The following PGM5 variants were observed in gnomAD, a reference collection of about 807,000 sequenced individuals.
PGM5 encodes phosphoglucomutase-like protein 5.
Under a neutral mutation model 59.2 loss-of-function variants are expected in PGM5, and 23 were observed. The ratio of observed to expected loss-of-function variants is 0.39; its 90% confidence interval spans 0.28 to 0.55. The LOEUF (loss-of-function observed/expected upper bound fraction) is 0.55, where lower values mean the gene tolerates loss of function less well. Among genes scored for constraint, PGM5 ranks in the 20% least tolerant of loss-of-function variants. The pLI, the probability that PGM5 is intolerant of heterozygous loss-of-function variation, is 0.66. For missense variants in PGM5, 574 were observed against 748.3 expected, an observed-to-expected ratio of 0.77 and a Z score of 2.72; for synonymous variants, 214 against 286.0, an observed-to-expected ratio of 0.75 and a Z score of 2.54.
At chr9:68,394,319 T>G (rs1179404765) in intron 6 of PGM5, 1 of 152,028 alleles carries the variant, frequency 6.6e-6, no homozygotes, top group African/African-American at 2.4e-5. Context: ...TGGGACAAAT[T>G]AGCTAGGTAT....
chr9:68,513,321 A>T (rs150396278), intron 10 of PGM5, among the ~76,000 whole-genome samples: 3 of 152,370 alleles, frequency 2.0e-5, no homozygotes, highest in African/African-American at 4.8e-5. Context: ...GTTTGTATTC[A>T]TGAAATCAAA....
chr9:68,524,671 C>A (rs1824945880), intron 10 of PGM5, among the ~76,000 whole-genome samples: 2 of 152,156 alleles, frequency 1.3e-5, no homozygotes, highest in African/African-American at 4.8e-5. Context: ...CAGTCCTACC[C>A]AACTCCTCAT....
At chr9:68,361,318 T>C (rs1834575339) in intron 1 of PGM5, among the ~76,000 whole-genome samples, 1 of 152,224 alleles carries the variant, frequency 6.6e-6, no homozygotes, top group African/African-American at 2.4e-5. Context: ...TTTAATGAAA[T>C]TGATTGTTGA....
chr9:68,470,948 C>CT (rs1554686187), intron 7 of PGM5, among the ~76,000 whole-genome samples: 1 of 152,184 alleles, frequency 6.6e-6, no homozygotes, highest in African/African-American at 2.4e-5. Context: ...AATTGAAACT[C>CT]CCTTCTGGGT....
At chr9:68,409,081 A>G (rs1445711953) in intron 6 of PGM5, among the ~76,000 whole-genome samples, 4 of 152,118 alleles carry the variant, frequency 2.6e-5, no homozygotes, top group Admixed American at 2.6e-4. Flanking sequence ...TTCCATATGA[A>G]CTTTAAAGTA....
chr9:68,375,555 A>C (rs1474497452), intron 1 of PGM5, among the ~76,000 whole-genome samples: 10 of 152,226 alleles, frequency 6.6e-5, no homozygotes, highest in African/African-American at 2.2e-4. Context: ...GAATCCATTC[A>C]TCATACTTTC....
chr9:68,528,529 G>A lies in PGM5; in HGVS notation c.1615-1038G>A, dbSNP rs760049880. ...TGGGATTACAGGCATGAGCCACCAC[G>A]CGTGGCCAATATTTGTCTTTAAATT... is the stretch of plus-strand genomic sequence containing the variant. On this transcript the variant is annotated intron_variant, in intron 10 of 10. Transcript: ENST00000396396. Among the ~76,000 whole-genome samples, 91 of 152,250 alleles carry A rather than the reference G, an allele frequency of 6.0e-4. 1 individual carries two copies. Among genetic ancestry groups the A allele is most frequent in the South Asian group, 8.3e-4 (4 of 4,812 alleles).
intron 6 of PGM5, among the ~76,000 whole-genome samples, chr9:68,422,270 T>G (rs1554682402): frequency 6.6e-6 from 1 of 152,130 alleles, no homozygotes; most frequent in Non-Finnish European, 1.5e-5. Flanking sequence ...ATGGGGGGTT[T>G]GCCTGGGAAC....
intron 1 of PGM5, among the ~76,000 whole-genome samples, chr9:68,367,210 T>C (rs1475149114): frequency 6.6e-6 from 1 of 152,022 alleles, no homozygotes; most frequent in Non-Finnish European, 1.5e-5. Flanking sequence ...GTGTGGTCTG[T>C]GCATTATTTC....
chr9:68,495,148 T>G (rs905652642), intron 9 of PGM5, among the ~76,000 whole-genome samples: 2 of 152,220 alleles, frequency 1.3e-5, no homozygotes, highest in Non-Finnish European at 2.9e-5. Context: ...GTCCAAAATT[T>G]TAAGGTTAAC....
At position 68,465,114 on chromosome 9, in the gene PGM5, C is replaced by A. The variant is rs202027436; in HGVS notation, c.1065C>A (p.Val355=). 2.5e-6 allele frequency: 4 copies of A among 1,608,796 alleles called. No individual in the cohort carries two copies. In the East Asian group the frequency reaches 8.9e-5, roughly 36 times the overall value. ...ALDRVAKSMK[V]PVYETPAGWR... ...TCAGAGTGGCCAAATCAATGAAGGT[C>A]CCTGTATATGAGACCCCAGCTGGAT... is the stretch of plus-strand genomic sequence containing the variant. Residue 355 remains valine, a synonymous_variant, in exon 7 of 11, where the codon GTC becomes GTA. Coordinates refer to ENST00000396396, the MANE Select transcript of PGM5 (RefSeq NM_021965.4).
At chr9:68,394,815 T>C (rs1822457123) in intron 6 of PGM5, among the ~76,000 whole-genome samples, 1 of 152,032 alleles carries the variant, frequency 6.6e-6, no homozygotes, top group South Asian at 2.1e-4. Flanking sequence ...AGAAATGAGA[T>C]CTTGCTATGT....
At chr9:68,446,338 T>C (rs1823611850) in intron 6 of PGM5, among the ~76,000 whole-genome samples, 1 of 152,238 alleles carries the variant, frequency 6.6e-6, no homozygotes, top group African/African-American at 2.4e-5. Flanking sequence ...CAACACACTT[T>C]CCCATACATT....
At chr9:68,426,590 G>A (rs781822933) in intron 6 of PGM5, among the ~76,000 whole-genome samples, 3 of 151,612 alleles carry the variant, frequency 2.0e-5, no homozygotes, top group Admixed American at 2.0e-4. Context: ...GTACATTCAG[G>A]CTTTTGTCTT....
At chr9:68,371,030 T>A (rs1821695354) in intron 1 of PGM5, among the ~76,000 whole-genome samples, 1 of 151,974 alleles carries the variant, frequency 6.6e-6, no homozygotes. Flanking sequence ...GGGATCTGTA[T>A]CTGTGTGGAC....
intron 2 of PGM5, among the ~76,000 whole-genome samples, chr9:68,381,713 T>C (rs1332227923): frequency 6.6e-6 from 1 of 151,464 alleles, no homozygotes; most frequent in East Asian, 1.9e-4. Context: ...AATTGCAGGA[T>C]ACAAAATCAA....
intron 9 of PGM5, among the ~76,000 whole-genome samples, chr9:68,494,142 C>T (rs553326076): frequency 3.0e-4 from 45 of 152,142 alleles, no homozygotes; most frequent in African/African-American, 6.0e-4. Flanking sequence ...CTGGATATTC[C>T]GGCTACTCTA....
intron 9 of PGM5, among the ~76,000 whole-genome samples, chr9:68,484,573 C>CAAA (rs1455821565): frequency 1.3e-4 from 19 of 147,278 alleles, no homozygotes; most frequent in African/African-American, 4.8e-4. Context: ...CACACACACA[C>CAAA]ACACAAAACA....
At position 68,387,547 on chromosome 9, in the gene PGM5, G is replaced by T. The variant is rs1822256944; in HGVS notation, c.656G>T (p.Gly219Val). The T allele has an allele frequency of 1.2e-6, 2 of 1,612,144 alleles. No individual in the cohort carries two copies. The highest frequency in any genetic ancestry group is 1.7e-5 in the Admixed American group (1 of 59,890). The change falls in exon 4 of 11, where the codon GGA becomes GTA. Residue 219 changes from glycine (G) to valine (V), a missense_variant. Physicochemically the swap from Gly to Val is moderately radical, Grantham distance 109 (BLOSUM62 -3). This residue lies in a region of PGM5 where 103 missense variants were observed against 112.4 expected (regional missense o/e 0.92). Coordinates refer to ENST00000396396, the MANE Select transcript of PGM5 (RefSeq NM_021965.4). ...CATGCCATCAAGGGTTTGCTGACTG[G>T]ACCCAGCCAACTGAAGATTCGCATT... ...DFHAIKGLLTGPSQLKIRIDA... is the reference protein window; with the variant it reads ...DFHAIKGLLTVPSQLKIRIDA...
Sources: allele counts gnomAD v4.1 joint callset (sites outside exome capture counted in the v4.1 genomes callset), GRCh38; gene constraint gnomAD v4.1.1; regional missense constraint gnomAD v4.1.1; transcripts MANE v1.5; gene names NCBI Gene and HGNC (gene_info 2026-07-23, HGNC 2026-07-21).